LRP1B: variants seen among roughly 807,000 people sequenced by gnomAD.
LRP1B encodes the protein low-density lipoprotein receptor-related protein 1B.
A neutral mutation model predicts 556.6 loss-of-function variants in LRP1B; 217 were observed. That is an observed-to-expected ratio of 0.39 (90% CI 0.35 to 0.44). LRP1B has a LOEUF of 0.44. Among genes scored for constraint, LRP1B ranks in the 20% least tolerant of loss-of-function variants. The pLI is 1.00. For synonymous variants in LRP1B, 2,047 were observed against 1,865.8 expected (o/e 1.10, Z -2.50); for missense variants, 5,053 against 5,620.8 (o/e 0.90, Z 3.23).
intron 3 of LRP1B, among the ~76,000 whole-genome samples, chr2:141,467,805 GTT>G (rs2105060788): frequency 2.7e-4 from 2 of 7,470 alleles, no homozygotes; most frequent in Non-Finnish European, 9.9e-4. Context: ...ACTGCTTTTT[GTT>G]TGTTTGTTTG....
chr2:141,196,025 T>C (rs1203764180), intron 6 of LRP1B, among the ~76,000 whole-genome samples: 1 of 152,056 alleles, frequency 6.6e-6, no homozygotes, highest in Non-Finnish European at 1.5e-5. Context: ...AAAGGGGCTA[T>C]TTTGTAGCTA....
intron 43 of LRP1B, among the ~76,000 whole-genome samples, chr2:140,543,915 CTATT>C (rs1225138982): frequency 6.6e-6 from 1 of 151,866 alleles, no homozygotes; most frequent in Non-Finnish European, 1.5e-5. Context: ...TAGGAAATAA[CTATT>C]TACAATAGCC....
chr2:140,489,496 A>G (rs148667837), intron 57 of LRP1B, among the ~76,000 whole-genome samples: 6,316 of 152,202 alleles, frequency 0.041, 171 homozygotes, highest in Non-Finnish European at 0.047. Flanking sequence ...TTTACATCCT[A>G]AAAACTGGAG....
chr2:141,687,699 G>T (rs1157553189), intron 2 of LRP1B, among the ~76,000 whole-genome samples: 1 of 151,826 alleles, frequency 6.6e-6, no homozygotes, highest in Non-Finnish European at 1.5e-5. Context: ...TTGTGATTAT[G>T]ATATAGATCA....
At chr2:141,765,160 T>A (rs1694694676) in intron 2 of LRP1B, among the ~76,000 whole-genome samples, 2 of 152,066 alleles carry the variant, frequency 1.3e-5, no homozygotes, top group African/African-American at 4.8e-5. Context: ...GTGGCAAAAA[T>A]AATTTAGTAT....
intron 43 of LRP1B, among the ~76,000 whole-genome samples, chr2:140,563,884 T>G (rs971137574): frequency 6.6e-6 from 1 of 152,174 alleles, no homozygotes; most frequent in African/African-American, 2.4e-5. Context: ...TGGATTGAAG[T>G]AGATGGACAG....
intron 41 of LRP1B, among the ~76,000 whole-genome samples, chr2:140,696,004 T>C (rs1441458): frequency 0.48 from 73,183 of 152,020 alleles, 18,790 homozygotes; most frequent in Middle Eastern, 0.6. Flanking sequence ...CTGAATCTGA[T>C]AGTGAAATTT....
chr2:140,928,297 C>T (rs1328974753), intron 20 of LRP1B, among the ~76,000 whole-genome samples: 5 of 152,104 alleles, frequency 3.3e-5, no homozygotes, highest in African/African-American at 1.2e-4. Context: ...GATAGTATAA[C>T]AGATAATAAC....
intron 35 of LRP1B, among the ~76,000 whole-genome samples, chr2:140,744,826 T>C (rs1270822868): frequency 6.6e-6 from 1 of 152,158 alleles, no homozygotes; most frequent in Non-Finnish European, 1.5e-5. Context: ...TACCCAGCTT[T>C]TCCTCTAGGA....
chr2:140,354,973 T>C (rs753241769), intron 75 of LRP1B, among the ~76,000 whole-genome samples: 4 of 151,960 alleles, frequency 2.6e-5, no homozygotes, highest in Non-Finnish European at 4.4e-5. Flanking sequence ...GTCTTACCCT[T>C]CTTTGACACT....
chr2:140,673,773 G>A (rs545643607), intron 41 of LRP1B, among the ~76,000 whole-genome samples: 24 of 152,026 alleles, frequency 1.6e-4, no homozygotes, highest in Non-Finnish European at 3.2e-4. Flanking sequence ...GAAAGTGAGG[G>A]TCCATACATA....
Position 141,015,817 on chromosome 2 carries a change from A to T in LRP1B, c.2069T>A (p.Val690Glu), listed in dbSNP as rs751618847. 6.2e-7 allele frequency: 1 copy of T among 1,613,626 alleles called. No individual in the cohort carries two copies. Among genetic ancestry groups the T allele is most frequent in the Non-Finnish European group, 8.5e-7 (1 of 1,179,752 alleles). The stretch of plus-strand genomic sequence containing the variant: ...GTTTGGCCACAGCATCTTTGAAGTC[A>T]CAAAAATCTGCCGATTGAATCCATC... Reference protein sequence around the residue: ...WMDGFNRQIFVTSKMLWPNGL... With the variant: ...WMDGFNRQIFETSKMLWPNGL... The change falls in exon 13 of 91, where the codon GTG (valine) becomes GAG (glutamate). Residue 690 changes from valine to glutamate, a missense_variant. Val to Glu is a moderately radical substitution (Grantham distance 121, BLOSUM62 -2). Transcript: ENST00000389484.
chr2:140,757,868 A>G (rs1468176520), intron 35 of LRP1B, among the ~76,000 whole-genome samples: 1 of 152,170 alleles, frequency 6.6e-6, no homozygotes, highest in Non-Finnish European at 1.5e-5. Context: ...ACAGTGAGAC[A>G]CTGTCTCAAA....
intron 1 of LRP1B, among the ~76,000 whole-genome samples, chr2:142,068,323 T>C (rs907044164): frequency 1.3e-5 from 2 of 151,528 alleles, no homozygotes; most frequent in African/African-American, 4.8e-5. Context: ...TTTTATGGAC[T>C]AAGGAGGATT....
intron 3 of LRP1B, among the ~76,000 whole-genome samples, chr2:141,409,997 G>A (rs1050636214): frequency 6.6e-6 from 1 of 151,916 alleles, no homozygotes; most frequent in African/African-American, 2.4e-5. Context: ...AAAAAGAAAA[G>A]GTAGATGGAC....
At chr2:141,922,826 G>T (rs548023360) in intron 1 of LRP1B, among the ~76,000 whole-genome samples, 2 of 152,254 alleles carry the variant, frequency 1.3e-5, no homozygotes, top group East Asian at 1.9e-4. Flanking sequence ...GTAGCCAGGC[G>T]TGGTGGCTCC....
chr2:140,275,612 C>T (rs984107956), intron 84 of LRP1B, among the ~76,000 whole-genome samples: 31 of 152,056 alleles, frequency 2.0e-4, no homozygotes, highest in East Asian at 1.2e-3. Context: ...GAGCAAACAA[C>T]GAGTTATGCC....
chr2:141,596,882 C>T (rs1386269721), intron 2 of LRP1B, among the ~76,000 whole-genome samples: 1 of 151,734 alleles, frequency 6.6e-6, no homozygotes, highest in African/African-American at 2.4e-5. Context: ...TAAATGAATC[C>T]TAGGTAAAGG....
chr2:141,684,936 C>A (rs995961068), intron 2 of LRP1B, among the ~76,000 whole-genome samples: 12 of 151,974 alleles, frequency 7.9e-5, no homozygotes, highest in African/African-American at 2.7e-4. Context: ...ACCTATCTTT[C>A]AAGAAAAAGG....
Sources: gnomAD v4.1 joint callset for allele counts (sites outside exome capture counted in the v4.1 genomes callset) on GRCh38, gnomAD v4.1.1 for gene constraint, MANE v1.5 for transcripts, NCBI Gene and HGNC (gene_info 2026-07-23, HGNC 2026-07-21) for gene names.